FBXO34: variants seen among roughly 807,000 people sequenced by gnomAD.
FBXO34 encodes the protein F-box protein 34.
In FBXO34, 12 loss-of-function variants were observed where a neutral mutation model predicts 24.5. The observed-to-expected ratio is 0.49, with a 90% CI of 0.31 to 0.79. The LOEUF is 0.79. FBXO34 is among the 30% of genes least tolerant of loss of function. FBXO34 has a pLI of 0.04. For synonymous variants in FBXO34, 320 were observed against 311.9 expected, an observed-to-expected ratio of 1.03 and a Z score of -0.27; for missense variants, 823 against 857.7, an observed-to-expected ratio of 0.96 and a Z score of 0.51.
At chr14:55,433,521 A>C in the FBXO34 span, 2 of 1,021,188 alleles carry the variant, frequency 2.0e-6, no homozygotes, top group South Asian at 3.1e-5. Flanking sequence ...TCTTCAGCAA[A>C]GAAAGGCATT....
chr14:55,349,824 C>A (rs1027631115), intron 1 of FBXO34, among the ~76,000 whole-genome samples: 4 of 151,888 alleles, frequency 2.6e-5, no homozygotes, highest in African/African-American at 9.7e-5. Flanking sequence ...CCGGGCTGGT[C>A]TTCAACTCCT....
chr14:55,419,575 T>C, the FBXO34 span, among the ~76,000 whole-genome samples: 1 of 152,198 alleles, frequency 6.6e-6, no homozygotes, highest in Non-Finnish European at 1.5e-5. Flanking sequence ...TGCTTTCTGC[T>C]CAGGACCATG....
At chr14:55,362,515 C>G (rs571724455), downstream of FBXO34, among the ~76,000 whole-genome samples, 71 of 151,438 alleles carry the variant, frequency 4.7e-4, no homozygotes, top group Non-Finnish European at 6.9e-4. Context: ...AAGCAAAGCG[C>G]AAAAAAACAA....
At chr14:55,431,921 G>C in the FBXO34 span, among the ~76,000 whole-genome samples, 3 of 152,112 alleles carry the variant, frequency 2.0e-5, no homozygotes, top group Non-Finnish European at 4.4e-5. Context: ...TCTAGAGAAA[G>C]CTCTAAGTGA....
intron 1 of FBXO34, among the ~76,000 whole-genome samples, chr14:55,299,421 C>T (rs986708673): frequency 2.4e-4 from 8 of 33,648 alleles, no homozygotes; most frequent in South Asian, 8.8e-4. Flanking sequence ...TTGCGGGGCA[C>T]GGGGGCTGTG....
intron 1 of FBXO34, among the ~76,000 whole-genome samples, chr14:55,312,181 C>G (rs1447858368): frequency 1.3e-5 from 2 of 151,938 alleles, no homozygotes; most frequent in African/African-American, 4.8e-5. Context: ...GCCTGGGAGA[C>G]ACAGTGTGAG....
chr14:55,405,125 A>G, the FBXO34 span, among the ~76,000 whole-genome samples: 1 of 152,218 alleles, frequency 6.6e-6, no homozygotes, highest in Non-Finnish European at 1.5e-5. Context: ...AACAGTCGTA[A>G]GGCTGATGAA....
chr14:55,409,651 G>C, the FBXO34 span, among the ~76,000 whole-genome samples: 1 of 152,184 alleles, frequency 6.6e-6, no homozygotes, highest in Non-Finnish European at 1.5e-5. Flanking sequence ...CCTGAGGAAG[G>C]AGTGTTCTTG....
At chr14:55,369,562 G>A, downstream of FBXO34, 1 of 1,382,730 alleles carries the variant, frequency 7.2e-7, no homozygotes, top group South Asian at 1.7e-5. Flanking sequence ...GTTTACTAGA[G>A]TGTAGTGGGA....
intron 1 of FBXO34, among the ~76,000 whole-genome samples, chr14:55,297,642 T>C (rs1882186717): frequency 6.6e-6 from 1 of 152,348 alleles, no homozygotes; most frequent in South Asian, 2.1e-4. Context: ...ATTTTTCTTT[T>C]TAGAACCTCA....
intron 1 of FBXO34, among the ~76,000 whole-genome samples, chr14:55,304,639 A>G (rs1882478402): frequency 6.6e-6 from 1 of 152,074 alleles, no homozygotes; most frequent in African/African-American, 2.4e-5. Context: ...AGCTGGGACC[A>G]CAAGTACATA....
intron 1 of FBXO34, among the ~76,000 whole-genome samples, chr14:55,339,147 A>G (rs1003742346): frequency 3.9e-5 from 6 of 152,164 alleles, no homozygotes; most frequent in Non-Finnish European, 8.8e-5. Flanking sequence ...TGCATAGGAG[A>G]CAGTATTCAT....
At chr14:55,313,402 T>A (rs1882815782) in intron 1 of FBXO34, among the ~76,000 whole-genome samples, 1 of 152,162 alleles carries the variant, frequency 6.6e-6, no homozygotes, top group African/African-American at 2.4e-5. Context: ...TCTTCATGTC[T>A]TCTTCTGAGT....
downstream of FBXO34, among the ~76,000 whole-genome samples, chr14:55,354,150 G>A (rs920280071): frequency 2.0e-5 from 3 of 152,204 alleles, no homozygotes; most frequent in African/African-American, 7.2e-5. Context: ...AGATTTGTCT[G>A]TGACACGGGA....
At chr14:55,372,473 GTC>G (rs1215070568), downstream of FBXO34, among the ~76,000 whole-genome samples, 2 of 152,120 alleles carry the variant, frequency 1.3e-5, no homozygotes, top group African/African-American at 4.8e-5. Flanking sequence ...GCCAGGCTAA[GTC>G]TCTCATCTTC....
the FBXO34 span, chr14:55,435,702 C>G: frequency 1.8e-5 from 10 of 567,042 alleles, no homozygotes; most frequent in African/African-American, 1.6e-4. Context: ...TAACTCAAAA[C>G]AGATATTAAC....
intron 1 of FBXO34, among the ~76,000 whole-genome samples, chr14:55,303,369 C>T (rs1003965575): frequency 6.6e-6 from 1 of 152,164 alleles, no homozygotes; most frequent in African/African-American, 2.4e-5. Context: ...TAGTGACATG[C>T]TCAAGGCCAT....
chr14:55,403,034 C>A, the FBXO34 span, among the ~76,000 whole-genome samples: 17 of 132,758 alleles, frequency 1.3e-4, no homozygotes, highest in Admixed American at 3.3e-4. Flanking sequence ...GTAGGAGGAT[C>A]ATTTGAGCCC....
At chr14:55,316,495 G>A (rs1384213428) in intron 1 of FBXO34, among the ~76,000 whole-genome samples, 1 of 151,666 alleles carries the variant, frequency 6.6e-6, no homozygotes, top group African/African-American at 2.4e-5. Context: ...GGGAGGTAGA[G>A]GTGGGTGAAT....
Sources: gnomAD v4.1 joint callset for allele counts (sites outside exome capture counted in the v4.1 genomes callset) on GRCh38, gnomAD v4.1.1 for gene constraint, MANE v1.5 for transcripts, NCBI Gene and HGNC (gene_info 2026-07-23, HGNC 2026-07-21) for gene names.